RFX3: variants seen among roughly 807,000 people sequenced by gnomAD.
The protein encoded by RFX3 is transcription factor RFX3.
RFX3 carries 14 observed loss-of-function variants against 98.6 expected under a neutral mutation model. The ratio of observed to expected loss-of-function variants is 0.14; its 90% confidence interval spans 0.09 to 0.22. RFX3 has a LOEUF of 0.22. Ranked by LOEUF, RFX3 falls within the 10% of genes least tolerant of loss-of-function variation. The pLI, the probability that RFX3 is intolerant of heterozygous loss-of-function variation, is 1.00. For missense variants in RFX3, 639 were observed against 926.9 expected, an observed-to-expected ratio of 0.69 and a Z score of 4.03; for synonymous variants, 383 against 328.4, an observed-to-expected ratio of 1.17 and a Z score of -1.80.
At position 3,288,181 on chromosome 9, in the gene RFX3, T is replaced by G; in HGVS notation, c.801A>C (p.Glu267Asp). 6.2e-7 allele frequency: 1 copy of G among 1,612,310 alleles called. No homozygotes were observed. The highest frequency in any genetic ancestry group is 8.5e-7 in the Non-Finnish European group (1 of 1,178,506). The change falls in exon 7 of 17, where the codon GAA (glutamate) becomes GAC (aspartate). Residue 267 changes from glutamate to aspartate, a missense_variant. Glu to Asp is a conservative substitution (Grantham distance 45, BLOSUM62 2). Around this residue, in one of 9 missense-constraint regions of RFX3, gnomAD observed 86 missense variants for 113.2 expected, o/e 0.76. Coordinates refer to ENST00000617270, the MANE Select transcript of RFX3 (RefSeq NM_001282116.2). ...KPDSPLNRLQ[E>D]DMQYMAMRQQ... ...GTCTCATAGCCATATACTGCATGTC[T>G]TCTTGCAGACGATTAAGAGGGGAAT... is the stretch of plus-strand genomic sequence containing the variant.
rs779926568 is a variant in RFX3 at position 3,330,507 on chromosome 9, T to C, written c.226A>G (p.Thr76Ala). 5.6e-6 allele frequency: 9 copies of C among 1,605,652 alleles called. No homozygotes were observed. In the South Asian group the frequency reaches 8.8e-5, roughly 16 times the overall value. ...ATCTGTGTCTCTGTGTAAGGATACG[T>C]TGTTGTTCGGCTTTAGAAGAAGAAG... ...VYTNGAIRTTTYPYTETQMYS... is the reference protein window; with the variant it reads ...VYTNGAIRTTAYPYTETQMYS... The change falls in exon 4 of 17, where the codon ACG becomes GCG. Residue 76 changes from threonine to alanine, a missense_variant. This residue lies in a region of RFX3 where 210 missense variants were observed against 197.7 expected (regional missense o/e 1.06). Transcript: ENST00000617270.
In RFX3 at chr9:3,250,428, A is replaced by G. The variant is rs541997337; in HGVS notation, c.1815-2243T>C. 3.3e-5 allele frequency among the ~76,000 whole-genome samples: 5 copies of G among 152,244 alleles called. No homozygotes were observed. The South Asian group carries it at 1.0e-3, about 32-fold the overall frequency. On this transcript the variant is annotated intron_variant, in intron 14 of 16. Transcript: ENST00000617270. ...TGAAAATTAAAGTAAGATACCCTAT[A>G]TAATCTATAAAGCTGTCAGAGGTTA... is the stretch of plus-strand genomic sequence containing the variant.
chr9:3,305,301 A>G (rs952013104), intron 4 of RFX3, among the ~76,000 whole-genome samples: 1 of 152,062 alleles, frequency 6.6e-6, no homozygotes, highest in East Asian at 1.9e-4. Flanking sequence ...CAATGTCATT[A>G]AGGTTTTGAG....
chr9:3,467,697 G>C (rs147207787), intron 1 of RFX3, among the ~76,000 whole-genome samples: 49 of 152,176 alleles, frequency 3.2e-4, no homozygotes, highest in African/African-American at 1.1e-3. Context: ...AAAGAAGAAA[G>C]AGCTAAACCC....
At position 3,275,632 on chromosome 9, in the gene RFX3, A is replaced by G; in HGVS notation, c.974-20T>C. The G allele has an allele frequency of 6.7e-7, 1 of 1,487,752 alleles. No homozygotes were observed. Among genetic ancestry groups the G allele is most frequent in the Non-Finnish European group, 9.4e-7 (1 of 1,067,370 alleles). The allele number at this position is 1,487,752 out of a possible 1,614,324, so 92.2% of individuals were successfully genotyped here. A position where few individuals can be genotyped will look rare whatever the true frequency, so the allele number is the denominator to read the frequency against. On this transcript the variant is annotated intron_variant, in intron 8 of 16. Transcript: ENST00000617270. ...ATGCATCTGTTACCGTGACAACAGA[A>G]CAGAAAAAAGCTATTGTGGATGGTG...
intron 1 of RFX3, among the ~76,000 whole-genome samples, chr9:3,470,447 T>C (rs1040006390): frequency 1.3e-5 from 2 of 151,806 alleles, no homozygotes; most frequent in African/African-American, 4.8e-5. Flanking sequence ...CCCGAGTAGC[T>C]GGGACTACAG....
At chr9:3,443,265 T>G (rs1433716383) in intron 1 of RFX3, among the ~76,000 whole-genome samples, 1 of 152,194 alleles carries the variant, frequency 6.6e-6, no homozygotes, top group African/African-American at 2.4e-5. Context: ...GGTAAATGTG[T>G]GTCATGATGG....
intron 2 of RFX3, among the ~76,000 whole-genome samples, chr9:3,347,353 C>T (rs1322480313): frequency 6.6e-6 from 1 of 151,312 alleles, no homozygotes; most frequent in Non-Finnish European, 1.5e-5. Flanking sequence ...ATTTTGGTGA[C>T]TTATGAAATT....
At chr9:3,433,653 G>A (rs183743335) in intron 1 of RFX3, among the ~76,000 whole-genome samples, 2 of 152,260 alleles carry the variant, frequency 1.3e-5, no homozygotes, top group Non-Finnish European at 2.9e-5. Flanking sequence ...GTAGATTACA[G>A]GCTAAAAATG....
chr9:3,442,956 C>T (rs1431590695), intron 1 of RFX3, among the ~76,000 whole-genome samples: 2 of 152,090 alleles, frequency 1.3e-5, no homozygotes, highest in African/African-American at 4.8e-5. Flanking sequence ...AAAAAGCAGG[C>T]TAGGCTCTGC....
intron 15 of RFX3, among the ~76,000 whole-genome samples, chr9:3,229,470 C>G (rs1228834040): frequency 2.0e-5 from 3 of 152,212 alleles, no homozygotes; most frequent in African/African-American, 4.8e-5. Flanking sequence ...AGCATCTGAT[C>G]ATTACTAATG....
intron 1 of RFX3, among the ~76,000 whole-genome samples, chr9:3,523,107 A>G (rs1395831700): frequency 6.6e-6 from 1 of 152,200 alleles, no homozygotes; most frequent in African/African-American, 2.4e-5. Flanking sequence ...CATTTAATAC[A>G]ATTCATAGGC....
chr9:3,392,030 T>A (rs1000866198), intron 2 of RFX3, among the ~76,000 whole-genome samples: 2 of 152,202 alleles, frequency 1.3e-5, no homozygotes, highest in African/African-American at 4.8e-5. Context: ...GGCAGGAAGT[T>A]GGACAAGTCT....
At chr9:3,300,338 T>C (rs919216494) in intron 5 of RFX3, among the ~76,000 whole-genome samples, 2 of 151,782 alleles carry the variant, frequency 1.3e-5, no homozygotes, top group African/African-American at 4.8e-5. Context: ...ATAGGCATTC[T>C]CCAAGTTGGC....
intron 4 of RFX3, among the ~76,000 whole-genome samples, chr9:3,315,163 T>C (rs1292301509): frequency 6.6e-6 from 1 of 152,106 alleles, no homozygotes; most frequent in Non-Finnish European, 1.5e-5. Flanking sequence ...ACAGAAATTA[T>C]AACAAACTGT....
intron 1 of RFX3, among the ~76,000 whole-genome samples, chr9:3,454,328 C>T (rs543844056): frequency 6.6e-6 from 1 of 152,186 alleles, no homozygotes; most frequent in South Asian, 2.1e-4. Context: ...TCTCCATGTA[C>T]TTGAATGCAA....
chr9:3,315,201 G>C (rs1266085349), intron 4 of RFX3, among the ~76,000 whole-genome samples: 1 of 152,058 alleles, frequency 6.6e-6, no homozygotes, highest in African/African-American at 2.4e-5. Flanking sequence ...AATCAAACTA[G>C]AACTCAGGAT....
intron 3 of RFX3, among the ~76,000 whole-genome samples, chr9:3,335,372 G>A (rs143621920): frequency 6.6e-6 from 1 of 152,178 alleles, no homozygotes; most frequent in Admixed American, 6.5e-5. Context: ...ACTAGAAATA[G>A]ACTCTCTAAT....
chr9:3,524,185 T>G (rs1001079567), intron 1 of RFX3, among the ~76,000 whole-genome samples: 2 of 152,160 alleles, frequency 1.3e-5, no homozygotes, highest in African/African-American at 4.8e-5. Flanking sequence ...ACATTCATTA[T>G]CAAAACTCTA....
Sources: gnomAD v4.1 joint callset for allele counts (sites outside exome capture counted in the v4.1 genomes callset) on GRCh38, gnomAD v4.1.1 for gene constraint, gnomAD v4.1.1 regional missense constraint, MANE v1.5 for transcripts, NCBI Gene and HGNC (gene_info 2026-07-23, HGNC 2026-07-21) for gene names.